PCSK5: variants seen among roughly 807,000 people sequenced by gnomAD.
The protein encoded by PCSK5 is prohormone convertase 5.
Under a neutral mutation model 233.2 loss-of-function variants are expected in PCSK5, and 129 were observed. The observed-to-expected ratio is 0.55, with a 90% CI of 0.48 to 0.64. The LOEUF (loss-of-function observed/expected upper bound fraction) is 0.64, where lower values mean the gene tolerates loss of function less well. Ranked by LOEUF, PCSK5 falls within the 30% of genes least tolerant of loss-of-function variation. The pLI is 0.00. For missense variants in PCSK5, 2,076 were observed against 2,430.1 expected (o/e 0.85, Z 3.06); for synonymous variants, 825 against 879.2 (o/e 0.94, Z 1.09).
intron 24 of PCSK5, among the ~76,000 whole-genome samples, chr9:76,263,493 T>C (rs1430834398): frequency 1.3e-5 from 2 of 152,030 alleles, no homozygotes; most frequent in East Asian, 1.9e-4. Context: ...ATGGATGAAA[T>C]TGGAAATCAT....
chr9:76,284,305 T>TG (rs892476030), intron 24 of PCSK5, among the ~76,000 whole-genome samples: 8 of 152,036 alleles, frequency 5.3e-5, no homozygotes, highest in Non-Finnish European at 1.2e-4. Context: ...AGGGACCCGG[T>TG]GGGGGGTAAC....
At chr9:75,927,553 G>T (rs1226085647) in intron 1 of PCSK5, among the ~76,000 whole-genome samples, 1 of 152,122 alleles carries the variant, frequency 6.6e-6, no homozygotes, top group African/African-American at 2.4e-5. Context: ...GCATAACTAT[G>T]TACAAGGAAG....
chr9:76,323,189 G>A lies in PCSK5; in HGVS notation c.4240G>A (p.Glu1414Lys), dbSNP rs756611494. The A allele has an allele frequency of 5.8e-5, 93 of 1,612,574 alleles. No homozygotes were observed. Among genetic ancestry groups the A allele is most frequent in the East Asian group, 1.8e-4 (8 of 44,880 alleles). Residue 1414 changes from glutamate to lysine, a missense_variant, in exon 32 of 38, where the codon GAG (glutamate) becomes AAG (lysine). Around this residue, in one of 6 missense-constraint regions of PCSK5, gnomAD observed 1,510 missense variants for 1,538.1 expected, o/e 0.98. Coordinates refer to ENST00000674117, the MANE Select transcript of PCSK5 (RefSeq NM_001372043.1). ...CAGTGGCCCCAAAGCCGACGACTGC[G>A]AGCTCTGTCTTGAGAGTTCCTGGGT... ...ECSGPKADDCELCLESSWVLY... is the reference protein window; with the variant it reads ...ECSGPKADDCKLCLESSWVLY...
rs1381338075 is a variant in PCSK5 at position 76,082,028 on chromosome 9, T to G, written c.894+10130T>G. Among the ~76,000 whole-genome samples, 8 of 149,494 alleles carry G rather than the reference T, an allele frequency of 5.4e-5. 1 individual carries two copies. The South Asian group carries it at 1.5e-3, about 28-fold the overall frequency. ...GTATTTTCATAGGCAAATCTTGTCATTTTTTTTTTCTCTTTAAAACTCATC... is the reference window on the plus strand; with the variant it reads ...GTATTTTCATAGGCAAATCTTGTCAGTTTTTTTTTCTCTTTAAAACTCATC... On this transcript the variant is annotated intron_variant, in intron 7 of 37. Transcript: ENST00000674117.
At chr9:76,318,709 A>G (rs1262190637) in intron 30 of PCSK5, among the ~76,000 whole-genome samples, 2 of 152,208 alleles carry the variant, frequency 1.3e-5, no homozygotes, top group Non-Finnish European at 1.5e-5. Flanking sequence ...GCAAATGTTC[A>G]TATGTATGCA....
chr9:76,028,531 G>A (rs1828524426), intron 5 of PCSK5, among the ~76,000 whole-genome samples: 1 of 152,214 alleles, frequency 6.6e-6, no homozygotes. Context: ...TCCTGGGTGG[G>A]ATGGCAGAAA....
chr9:76,225,598 C>T (rs1166044781), intron 20 of PCSK5, among the ~76,000 whole-genome samples: 1 of 152,054 alleles, frequency 6.6e-6, no homozygotes, highest in South Asian at 2.1e-4. Context: ...GATTGTGCCT[C>T]CTACAACAAT....
intron 1 of PCSK5, among the ~76,000 whole-genome samples, chr9:75,894,755 T>C (rs976867983): frequency 6.6e-6 from 1 of 152,176 alleles, no homozygotes; most frequent in African/African-American, 2.4e-5. Context: ...TGCATGCCTA[T>C]TGACCTGCAC....
intron 31 of PCSK5, 69 bp downstream of exon 31, chr9:76,321,708 G>A: frequency 1.0e-6 from 1 of 971,268 alleles, no homozygotes; most frequent in South Asian, 1.5e-5. Flanking sequence ...ATTATCTGAG[G>A]GTGGATGGCA....
intron 12 of PCSK5, 51 bp from the exon 13 acceptor site, chr9:76,169,653 C>A (rs955812716): frequency 3.2e-6 from 5 of 1,581,804 alleles, no homozygotes; most frequent in South Asian, 1.1e-5. Flanking sequence ...ATTAACTAGA[C>A]CCTCATTGGA....
At chr9:76,140,674 T>C (rs1469712205) in intron 10 of PCSK5, among the ~76,000 whole-genome samples, 1 of 152,102 alleles carries the variant, frequency 6.6e-6, no homozygotes, top group Non-Finnish European at 1.5e-5. Flanking sequence ...CGTGTATCAA[T>C]GATAATGCAA....
At chr9:76,055,960 A>G (rs1015162449) in intron 5 of PCSK5, among the ~76,000 whole-genome samples, 3 of 152,208 alleles carry the variant, frequency 2.0e-5, no homozygotes, top group African/African-American at 7.2e-5. Context: ...TTTGCACAAT[A>G]TGTTGGAGAA....
rs139684536 is a variant in PCSK5, at chr9:76,233,689, G to C, written c.2866+93G>C. On this transcript the variant is annotated intron_variant, in intron 22 of 37. Coordinates refer to ENST00000674117, the MANE Select transcript of PCSK5 (RefSeq NM_001372043.1). ...GTTTGACCCAAAAGCCTTGTGTCTG[G>C]GGCTGAGGGTTAAGATCAGACAGCT... 1.0e-4 allele frequency: 116 copies of C among 1,163,212 alleles called. No homozygotes were observed. The African/African-American group carries it at 1.5e-3, about 16-fold the overall frequency. 72.1% of individuals were successfully genotyped at this position (1,163,212 alleles called of 1,614,324 possible). A position where few individuals can be genotyped will look rare whatever the true frequency, so the allele number is the denominator to read the frequency against.
chr9:75,967,287 A>T (rs1292572483), intron 2 of PCSK5, among the ~76,000 whole-genome samples: 1 of 152,086 alleles, frequency 6.6e-6, no homozygotes, highest in African/African-American at 2.4e-5. Context: ...TGCTGTTGCC[A>T]TCTTTATGTC....
chr9:76,104,449 T>C (rs1278250095), intron 8 of PCSK5, among the ~76,000 whole-genome samples: 1 of 152,180 alleles, frequency 6.6e-6, no homozygotes, highest in Non-Finnish European at 1.5e-5. Context: ...ACAGTGGGGA[T>C]TTGGAATTAC....
chr9:76,244,104 T>C (rs1198813796), intron 24 of PCSK5, among the ~76,000 whole-genome samples: 1 of 152,114 alleles, frequency 6.6e-6, no homozygotes, highest in Non-Finnish European at 1.5e-5. Context: ...CATGCACCTG[T>C]GGTCCCAGCT....
At position 76,193,301 on chromosome 9, in the gene PCSK5, A is replaced by G. The variant is rs142979671; in HGVS notation, c.2626+3555A>G. On this transcript the variant is annotated intron_variant, in intron 20 of 37. Coordinates refer to ENST00000674117, the MANE Select transcript of PCSK5 (RefSeq NM_001372043.1). Reference sequence around the variant, plus strand: ...TTGTGAAAAAGAACAATCTGTGCCAACGGAAGGTTCTTCAACAACTTTGCT... The same window carrying G: ...TTGTGAAAAAGAACAATCTGTGCCAGCGGAAGGTTCTTCAACAACTTTGCT... 22 of 1,613,116 alleles carry G rather than the reference A, an allele frequency of 1.4e-5. No homozygotes were observed. In the African/African-American group the frequency reaches 2.1e-4, roughly 16 times the overall value.
rs189983603 is a variant in PCSK5, at chr9:76,220,857, G to T, written c.2627-6646G>T. On this transcript the variant is annotated intron_variant, in intron 20 of 37. Coordinates refer to ENST00000674117, the MANE Select transcript of PCSK5 (RefSeq NM_001372043.1). ...CACCATGTTGTACCATAAATCTCTC[G>T]AACTTATCCCTCCTGTCTAACTGAA... Among the ~76,000 whole-genome samples, 81 of 151,926 alleles carry T rather than the reference G, an allele frequency of 5.3e-4. 1 individual carries two copies. The highest frequency in any genetic ancestry group is 2.0e-3 in the Admixed American group (30 of 15,242).
intron 12 of PCSK5, among the ~76,000 whole-genome samples, chr9:76,160,219 G>C (rs113268874): frequency 1.1e-4 from 17 of 152,234 alleles, no homozygotes; most frequent in Non-Finnish European, 2.2e-4. Flanking sequence ...ATAAGTAACT[G>C]TATTTTGTAC....
Sources: gnomAD v4.1 joint callset for allele counts (sites outside exome capture counted in the v4.1 genomes callset) on GRCh38, gnomAD v4.1.1 for gene constraint, gnomAD v4.1.1 regional missense constraint, MANE v1.5 for transcripts, NCBI Gene and HGNC (gene_info 2026-07-23, HGNC 2026-07-21) for gene names.